GNAT3: variants seen among roughly 807,000 people sequenced by gnomAD.
GNAT3 encodes the protein G protein subunit alpha transducin 3, also known as guanine nucleotide-binding protein G(t) subunit alpha-3.
A neutral mutation model predicts 37.7 loss-of-function variants in GNAT3; 31 were observed. The observed-to-expected ratio is 0.82, with a 90% CI of 0.62 to 1.11. GNAT3 has a LOEUF of 1.11. GNAT3 is among the 50% of genes most tolerant of loss of function. GNAT3 has a pLI of 0.00. For missense variants in GNAT3, 437 were observed against 412.5 expected (o/e 1.06, Z -0.51); for synonymous variants, 138 against 139.8 (o/e 0.99, Z 0.09).
intron 5 of GNAT3, among the ~76,000 whole-genome samples, chr7:80,472,090 G>A (rs567286773): frequency 6.6e-6 from 1 of 152,048 alleles, no homozygotes; most frequent in African/African-American, 2.4e-5. Context: ...GAAACAAAAA[G>A]AGAAAACTAA....
At chr7:80,465,219 G>C (rs1790112325) in intron 5 of GNAT3, among the ~76,000 whole-genome samples, 1 of 151,968 alleles carries the variant, frequency 6.6e-6, no homozygotes. Flanking sequence ...TTCTTTCTTT[G>C]TTGAAATTAC....
At chr7:80,506,767 G>A (rs1021441521) in intron 1 of GNAT3, among the ~76,000 whole-genome samples, 1 of 152,018 alleles carries the variant, frequency 6.6e-6, no homozygotes, top group Non-Finnish European at 1.5e-5. Context: ...CAGAGAAAAT[G>A]GTATGTATTT....
At chr7:80,478,177 C>A (rs1387046308) in intron 4 of GNAT3, among the ~76,000 whole-genome samples, 1 of 152,224 alleles carries the variant, frequency 6.6e-6, no homozygotes, top group African/African-American at 2.4e-5. Context: ...TCCCAAAGTG[C>A]TGGGATTACA....
At chr7:80,483,424 A>G (rs2116180500) in intron 3 of GNAT3, among the ~76,000 whole-genome samples, 1 of 152,202 alleles carries the variant, frequency 6.6e-6, no homozygotes, top group African/African-American at 2.4e-5. Flanking sequence ...AATATATAAC[A>G]CCAAAATGTA....
intron 1 of GNAT3, 49 bp downstream of exon 1, chr7:80,511,760 A>G (rs1291984298): frequency 4.7e-6 from 5 of 1,072,128 alleles, no homozygotes; most frequent in Non-Finnish European, 7.1e-6. Flanking sequence ...AATATATCAC[A>G]ATTGAAAAAA....
At chr7:80,507,827 G>A (rs896653068) in intron 1 of GNAT3, among the ~76,000 whole-genome samples, 2 of 151,914 alleles carry the variant, frequency 1.3e-5, no homozygotes, top group African/African-American at 4.8e-5. Context: ...ATACCTTCCA[G>A]AATATCCATT....
intron 5 of GNAT3, among the ~76,000 whole-genome samples, chr7:80,462,995 T>A (rs1449010617): frequency 2.0e-5 from 3 of 152,168 alleles, no homozygotes; most frequent in African/African-American, 7.2e-5. Flanking sequence ...AGATTGGAAG[T>A]TACTGTAGTT....
chr7:80,501,713 T>C (rs1166341215), intron 1 of GNAT3, among the ~76,000 whole-genome samples: 1 of 151,942 alleles, frequency 6.6e-6, no homozygotes, highest in East Asian at 1.9e-4. Context: ...TCTAAGACAA[T>C]TTTCTAAATA....
intron 5 of GNAT3, among the ~76,000 whole-genome samples, chr7:80,473,464 TTTTACTC>T (rs1254893705): frequency 6.6e-6 from 1 of 152,100 alleles, no homozygotes; most frequent in Non-Finnish European, 1.5e-5. Flanking sequence ...ATCTCCAGTT[TTTTACTC>T]TTTAAGATTA....
At position 80,512,005 on chromosome 7, in the gene GNAT3, G is replaced by C; in HGVS notation, c.-79C>G. The C allele has an allele frequency of 3.2e-6, 3 of 942,184 alleles. No homozygotes were observed. Among genetic ancestry groups the C allele is most frequent in the Non-Finnish European group, 5.0e-6 (3 of 599,662 alleles). The allele number at this position is 942,184 out of a possible 1,614,324, so 58.4% of individuals were successfully genotyped here. On this transcript the variant is annotated 5_prime_UTR_variant, in exon 1 of 8. Transcript: ENST00000398291. ...GCACAGCTGTGGTTTGGACATAGGAGGCAAGAGTAATGCTCTGCTGAAGTA... is the reference window on the plus strand; with the variant it reads ...GCACAGCTGTGGTTTGGACATAGGACGCAAGAGTAATGCTCTGCTGAAGTA...
At chr7:80,504,188 C>T (rs563389491) in intron 1 of GNAT3, among the ~76,000 whole-genome samples, 10 of 152,166 alleles carry the variant, frequency 6.6e-5, no homozygotes, top group East Asian at 3.9e-4. Flanking sequence ...TGGTGGCACA[C>T]GCCTGTAGTC....
chr7:80,476,952 A>G (rs893205960), intron 4 of GNAT3, among the ~76,000 whole-genome samples: 9 of 152,130 alleles, frequency 5.9e-5, no homozygotes, highest in East Asian at 5.8e-4. Context: ...TTGTTGTTCT[A>G]TTGCACCTGC....
chr7:80,510,323 A>G (rs1434953704), intron 1 of GNAT3, among the ~76,000 whole-genome samples: 1 of 152,116 alleles, frequency 6.6e-6, no homozygotes, highest in Non-Finnish European at 1.5e-5. Flanking sequence ...TTCCATTTGT[A>G]TTTTTACAAA....
intron 5 of GNAT3, among the ~76,000 whole-genome samples, chr7:80,463,568 C>A (rs1790087095): frequency 6.6e-6 from 1 of 151,906 alleles, no homozygotes; most frequent in Non-Finnish European, 1.5e-5. Context: ...TTAAATTACA[C>A]CTCTCTCCAC....
At chr7:80,480,004 C>G (rs1400572886) in intron 3 of GNAT3, among the ~76,000 whole-genome samples, 1 of 151,920 alleles carries the variant, frequency 6.6e-6, no homozygotes, top group Non-Finnish European at 1.5e-5. Flanking sequence ...AGGTTACCAG[C>G]AAAGAAGGAA....
At chr7:80,499,175 T>A (rs543688745) in intron 1 of GNAT3, among the ~76,000 whole-genome samples, 11 of 152,262 alleles carry the variant, frequency 7.2e-5, no homozygotes, top group African/African-American at 2.4e-4. Flanking sequence ...AGTCTATGCG[T>A]GAGAAAAATG....
rs1277376151 is a variant in GNAT3, at chr7:80,497,566, GTATATACA to G, written c.119-2927_119-2920del. 3.7e-5 allele frequency among the ~76,000 whole-genome samples: 5 copies of G among 136,704 alleles called. 1 individual carries two copies. Among genetic ancestry groups the G allele is most frequent in the East Asian group, 2.1e-4 (1 of 4,758 alleles). 89.7% of individuals were successfully genotyped at this position (136,704 alleles called of 152,430 possible). A position where few individuals can be genotyped will look rare whatever the true frequency, so the allele number is the denominator to read the frequency against. On this transcript the variant is annotated intron_variant, in intron 1 of 7. Coordinates refer to ENST00000398291, the MANE Select transcript of GNAT3 (RefSeq NM_001102386.3). ...TACACATATACGTATATACATATAC[GTATATACA>G]TATACGTATATACATATACGTATAT...
chr7:80,506,899 G>T (rs6958598), intron 1 of GNAT3, among the ~76,000 whole-genome samples: 10,537 of 151,978 alleles, frequency 0.069, 1,203 homozygotes, highest in African/African-American at 0.24. Context: ...ACTCTCAACA[G>T]TTTTCAAGAA....
At chr7:80,460,016 G>T (rs1462959400) in intron 7 of GNAT3, among the ~76,000 whole-genome samples, 1 of 152,176 alleles carries the variant, frequency 6.6e-6, no homozygotes, top group Non-Finnish European at 1.5e-5. Flanking sequence ...CTACACAGAA[G>T]CTTGCACATG....
Sources: allele counts gnomAD v4.1 joint callset (sites outside exome capture counted in the v4.1 genomes callset), GRCh38; gene constraint gnomAD v4.1.1; transcripts MANE v1.5; gene names NCBI Gene and HGNC (gene_info 2026-07-23, HGNC 2026-07-21).